Variants in MCF2L observed in about 807,000 individuals in gnomAD.
The protein encoded by MCF2L is MCF.2 cell line derived transforming sequence like.
A neutral mutation model predicts 153.4 loss-of-function variants in MCF2L; 97 were observed. The ratio of observed to expected loss-of-function variants is 0.63; its 90% CI spans 0.54 to 0.75. MCF2L has a LOEUF of 0.75. Among genes scored for constraint, MCF2L ranks in the 30% least tolerant of loss-of-function variants. The pLI, the probability that MCF2L is intolerant of heterozygous loss-of-function variation, is 0.00. For missense variants in MCF2L, 1,347 were observed against 1,495.2 expected (o/e 0.90, Z 1.64); for synonymous variants, 659 against 632.2 (o/e 1.04, Z -0.64).
chr13:112,951,036 G>A lies in MCF2L; in HGVS notation c.169+48665G>A, dbSNP rs981210448. On this transcript the variant is annotated intron_variant, in intron 2 of 29. Transcript: ENST00000375608. The surrounding 1 kb of genome is among the most constrained non-coding windows in gnomAD (Gnocchi z 4.8). Reference sequence around the variant, plus strand: ...TCACCAGTACAAAAACAAACAATTCGCTTAGAAAATGGGCAACAGACATAG... The same window carrying A: ...TCACCAGTACAAAAACAAACAATTCACTTAGAAAATGGGCAACAGACATAG... Among the ~76,000 whole-genome samples, 4 of 152,146 alleles carry A rather than the reference G, an allele frequency of 2.6e-5. No individual in the cohort carries two copies. Among genetic ancestry groups the A allele is most frequent in the East Asian group, 3.8e-4 (2 of 5,198 alleles).
intron 4 of MCF2L, among the ~76,000 whole-genome samples, chr13:113,049,622 C>A (rs1046860674): frequency 6.6e-6 from 1 of 152,160 alleles, no homozygotes; most frequent in African/African-American, 2.4e-5. Flanking sequence ...CCAGGCCAGC[C>A]GAGCCCTCAA....
At chr13:112,994,399 A>G (rs545072851) in intron 1 of MCF2L, among the ~76,000 whole-genome samples, 53 of 151,250 alleles carry the variant, frequency 3.5e-4, no homozygotes, top group African/African-American at 1.2e-3. Context: ...AGCTGACGTC[A>G]CTGTCTGTGC....
chr13:112,972,115 A>G (rs2082055713), intron 1 of MCF2L, among the ~76,000 whole-genome samples: 1 of 152,270 alleles, frequency 6.6e-6, no homozygotes, highest in African/African-American at 2.4e-5. Flanking sequence ...CTACTGTGGT[A>G]GAAGAATCTT....
At chr13:113,048,632 G>T (rs556498018) in intron 4 of MCF2L, among the ~76,000 whole-genome samples, 2 of 151,892 alleles carry the variant, frequency 1.3e-5, no homozygotes, top group Non-Finnish European at 1.5e-5. Context: ...TAGTAGAGAC[G>T]GGGTTTCACC....
intron 5 of MCF2L, among the ~76,000 whole-genome samples, chr13:113,062,000 G>A (rs1234057515): frequency 6.7e-6 from 1 of 148,184 alleles, no homozygotes; most frequent in Non-Finnish European, 1.5e-5. Flanking sequence ...CTGGTGCCTG[G>A]CCTGGGGCAG....
Position 112,957,091 on chromosome 13 carries a change from C to G in MCF2L, c.169+54720C>G, listed in dbSNP as rs1184263898. 3 of 152,138 alleles carry G rather than the reference C, an allele frequency of 2.0e-5. No homozygotes were observed. The East Asian group carries it at 5.8e-4, about 29-fold the overall frequency. 9.4% of individuals were successfully genotyped at this position (152,138 alleles called of 1,614,324 possible). A position where few individuals can be genotyped will look rare whatever the true frequency, so the allele number is the denominator to read the frequency against. On this transcript the variant is annotated intron_variant, in intron 2 of 29. Transcript: ENST00000375608. Reference sequence around the variant, plus strand: ...GCAGAGCCTTATTTACAGGCCGCCCCCGAGAGCAAAGGATAATGGTGCATT... The same window carrying G: ...GCAGAGCCTTATTTACAGGCCGCCCGCGAGAGCAAAGGATAATGGTGCATT...
intron 2 of MCF2L, among the ~76,000 whole-genome samples, chr13:112,916,203 C>T (rs549106341): frequency 4.1e-5 from 6 of 147,692 alleles, no homozygotes; most frequent in Admixed American, 6.7e-5. Context: ...CCTCTGATTC[C>T]GAGGCGACTT....
rs1271484178 is a variant in MCF2L at position 113,074,254 on chromosome 13, C to T, written c.997-190C>T. Among the ~76,000 whole-genome samples the T allele has an allele frequency of 6.6e-6, 1 of 152,178 alleles. No homozygotes were observed. Among genetic ancestry groups the T allele is most frequent in the Non-Finnish European group, 1.5e-5 (1 of 68,034 alleles). ...GTGGGTAGCGTCGACCCAGAGGCCC[C>T]ACGGTCCCCGCTTGATTGGTGACCA... On this transcript the variant is annotated intron_variant, in intron 9 of 29. Coordinates refer to ENST00000535094, the MANE Select transcript of MCF2L (RefSeq NM_001112732.3). The surrounding 1 kb of genome is among the most constrained non-coding windows in gnomAD (Gnocchi z 4.2).
chr13:113,066,068 AAG>A lies in MCF2L; in HGVS notation c.782_783del (p.Glu261GlyfsTer14). ...CAGGAGGATTTGAGGCTGGCACTGA[AAG>A]AGGGGCACAGTGTCCTGGAGAGCCT... On this transcript the variant is annotated frameshift_variant, in exon 8 of 30. Transcript: ENST00000535094. LOFTEE classifies it high-confidence loss of function. 1 of 1,613,272 alleles carries A rather than the reference AAG, an allele frequency of 6.2e-7. No homozygotes were observed. Among genetic ancestry groups the A allele is most frequent in the Non-Finnish European group, 8.5e-7 (1 of 1,179,910 alleles).
Position 113,087,360 on chromosome 13 carries a change from C to G in MCF2L, c.2499C>G (p.Phe833Leu). 1 of 1,613,430 alleles carries G rather than the reference C, an allele frequency of 6.2e-7. No homozygotes were observed. The highest frequency in any genetic ancestry group is 1.1e-5 in the South Asian group (1 of 91,076). ...TCAAGCCCATGCAGCGGCACCTGTTCCTGCACGAGAAGGCAGTGCTCTTCT... is the reference window on the plus strand; with the variant it reads ...TCAAGCCCATGCAGCGGCACCTGTTGCTGCACGAGAAGGCAGTGCTCTTCT... ...ARFKPMQRHL[F>L]LHEKAVLFCK... Residue 833 changes from phenylalanine to leucine, a missense_variant, in exon 22 of 30, where the codon TTC becomes TTG. Physicochemically the swap from Phe to Leu is conservative, Grantham distance 22. Coordinates refer to ENST00000535094, the MANE Select transcript of MCF2L (RefSeq NM_001112732.3).
In MCF2L at chr13:113,064,410, G is replaced by A; in HGVS notation, c.596G>A (p.Cys199Tyr). The A allele has an allele frequency of 1.2e-6, 2 of 1,610,960 alleles. No individual in the cohort carries two copies. The highest frequency in any genetic ancestry group is 1.7e-6 in the Non-Finnish European group (2 of 1,178,736). The change falls in exon 6 of 30, where the codon TGC becomes TAC. Residue 199 changes from cysteine (C) to tyrosine (Y), a missense_variant. This residue lies in a region of MCF2L where 820 missense variants were observed against 921.2 expected (regional missense o/e 0.89). Coordinates refer to ENST00000535094, the MANE Select transcript of MCF2L (RefSeq NM_001112732.3). This position sits in a 1 kb window ranked among gnomAD's most constrained non-coding sequence, Gnocchi z 6.0. ...GACTACTGCCACTCCCGGTGGCTGT[G>A]CCAGCGCACGGTGAGCCGCGTCGGG... is the stretch of plus-strand genomic sequence containing the variant. The part of the protein sequence containing the change: ...TLDYCHSRWL[C>Y]QRTAIESFAL...
In MCF2L at chr13:112,969,225, C is replaced by A; in HGVS notation, c.-155C>A. On this transcript the variant is annotated 5_prime_UTR_variant, in exon 1 of 30. Transcript: ENST00000535094. This position sits in a 1 kb window ranked among gnomAD's most constrained non-coding sequence, Gnocchi z 4.8. ...CCCCTCCCGGTGGCGCGGAACCAAT[C>A]CTGGGCAGGGAGGCGGCGGCTGGAG... 2 of 1,291,200 alleles carry A rather than the reference C, an allele frequency of 1.5e-6. No individual in the cohort carries two copies. Among genetic ancestry groups the A allele is most frequent in the Non-Finnish European group, 2.0e-6 (2 of 1,011,278 alleles). 80.0% of individuals were successfully genotyped at this position (1,291,200 alleles called of 1,614,324 possible).
chr13:112,938,231 C>A (rs1248426650), intron 2 of MCF2L, among the ~76,000 whole-genome samples: 1 of 129,802 alleles, frequency 7.7e-6, no homozygotes, highest in Admixed American at 7.7e-5. Context: ...TTCAGGTGAG[C>A]GCTGAGGGGT....
In MCF2L at chr13:113,053,721, C is replaced by T. The variant is rs1055448885; in HGVS notation, c.370-6872C>T. 7.9e-5 allele frequency among the ~76,000 whole-genome samples: 12 copies of T among 152,162 alleles called. No individual in the cohort carries two copies. The highest frequency in any genetic ancestry group is 2.7e-4 in the African/African-American group (11 of 41,422). On this transcript the variant is annotated intron_variant, in intron 4 of 29. Transcript: ENST00000535094. This position sits in a 1 kb window ranked among gnomAD's most constrained non-coding sequence, Gnocchi z 4.4. Reference sequence around the variant, plus strand: ...TTCAAGGGGAGCAGCAGGTGCCTGGCGTCTGCATCCACACCTGCCTGGAGC... The same window carrying T: ...TTCAAGGGGAGCAGCAGGTGCCTGGTGTCTGCATCCACACCTGCCTGGAGC...
At chr13:112,906,417 G>A (rs1010797451) in intron 2 of MCF2L, among the ~76,000 whole-genome samples, 2 of 152,204 alleles carry the variant, frequency 1.3e-5, no homozygotes, top group Non-Finnish European at 2.9e-5. Flanking sequence ...GGCTTCTGGC[G>A]CTCACCCTCT....
At chr13:113,030,957 G>A (rs2085648891) in intron 3 of MCF2L, among the ~76,000 whole-genome samples, 1 of 152,228 alleles carries the variant, frequency 6.6e-6, no homozygotes, top group Non-Finnish European at 1.5e-5. Context: ...TTGTGGCGCT[G>A]AGACAATATG....
In MCF2L at chr13:113,074,475, A is replaced by T; in HGVS notation, c.1028A>T (p.Lys343Met). The T allele has an allele frequency of 1.2e-6, 2 of 1,614,054 alleles. No individual in the cohort carries two copies. The highest frequency in any genetic ancestry group is 1.7e-6 in the Non-Finnish European group (2 of 1,179,988). ...GCCATCTTGGACGCAGCGTCCCAGA[A>T]GATAGCAACCTTCACAGACATCGGC... ...VKAILDAASQ[K>M]IATFTDIGNS... The change falls in exon 10 of 30, where the codon AAG (lysine) becomes ATG (methionine). Residue 343 changes from lysine (K) to methionine (M), a missense_variant. Coordinates refer to ENST00000535094, the MANE Select transcript of MCF2L (RefSeq NM_001112732.3). The surrounding 1 kb of genome is among the most constrained non-coding windows in gnomAD (Gnocchi z 4.2).
intron 2 of MCF2L, among the ~76,000 whole-genome samples, chr13:112,916,472 C>T (rs768627256): frequency 2.0e-5 from 3 of 152,080 alleles, no homozygotes; most frequent in East Asian, 1.9e-4. Flanking sequence ...GATGAGTCTC[C>T]GCACGTCCGC....
intron 2 of MCF2L, among the ~76,000 whole-genome samples, chr13:113,019,643 A>T (rs1594688817): frequency 6.6e-6 from 1 of 152,214 alleles, no homozygotes; most frequent in Non-Finnish European, 1.5e-5. Flanking sequence ...ACGACATCCA[A>T]CCAGTTGCTA....
Sources: gnomAD v4.1 joint callset for allele counts (sites outside exome capture counted in the v4.1 genomes callset) on GRCh38, gnomAD v4.1.1 for gene constraint, gnomAD v4.1.1 regional missense constraint, Gnocchi (gnomAD v3.1) non-coding constraint, MANE v1.5 for transcripts, NCBI Gene and HGNC (gene_info 2026-07-23, HGNC 2026-07-21) for gene names.